PPWD1: variants seen among roughly 807,000 people sequenced by gnomAD.
The protein encoded by PPWD1 is peptidylprolyl isomerase domain and WD repeat-containing protein 1.
PPWD1 carries 43 observed loss-of-function variants against 68.8 expected under a neutral mutation model. The observed-to-expected ratio is 0.62, with a 90% confidence interval of 0.49 to 0.81. The LOEUF is 0.81. PPWD1 is among the 30% of genes least tolerant of loss of function. PPWD1 has a pLI of 0.00. For missense variants in PPWD1, 672 were observed against 804.8 expected (o/e 0.83, Z 2.00); for synonymous variants, 232 against 258.7 (o/e 0.90, Z 0.99).
rs918616167 is a variant in PPWD1 at position 65,569,949 on chromosome 5, A to C, written c.472A>C (p.Lys158Gln). 7 of 1,612,408 alleles carry C rather than the reference A, an allele frequency of 4.3e-6. No homozygotes were observed. The highest frequency in any genetic ancestry group is 1.3e-5 in the African/African-American group (1 of 74,874). Residue 158 changes from lysine to glutamine, a missense_variant, in exon 4 of 11, where the codon AAG (lysine) becomes CAG (glutamine). Coordinates refer to ENST00000261308, the MANE Select transcript of PPWD1 (RefSeq NM_015342.4). ...FCSVGDDKAM[K>Q]VFDVVNFDMI... ...TTCTGTGGGTGATGATAAAGCAATG[A>C]AGGTGTTTGATGTAGTGAACTTTGA...
intron 2 of PPWD1, chr5:65,569,010 A>G: frequency 6.6e-6 from 3 of 455,846 alleles, no homozygotes; most frequent in Non-Finnish European, 1.3e-5. Context: ...TACATTTAAC[A>G]TTTTAAAACT....
rs1331821309 is a variant in PPWD1, at chr5:65,578,751, CAT to C, written c.1161-668_1161-667del. On this transcript the variant is annotated intron_variant, in intron 6 of 10. Transcript: ENST00000261308. ...ATATATATACATATATATATACACACATATATGTGTATATATATATACATATA... is the reference window on the plus strand; with the variant it reads ...ATATATATACATATATATATACACACATATGTGTATATATATATACATATA... 3.3e-3 allele frequency among the ~76,000 whole-genome samples: 457 copies of C among 138,456 alleles called. 1 individual carries two copies. Among genetic ancestry groups the C allele is most frequent in the Middle Eastern group, 7.4e-3 (2 of 270 alleles). The allele number at this position is 138,456 out of a possible 152,430, so 90.8% of individuals were successfully genotyped here.
chr5:65,569,829 T>TAA, intron 3 of PPWD1, 49 bp from the exon 4 acceptor site: 5 of 1,570,106 alleles, frequency 3.2e-6, no homozygotes, highest in Non-Finnish European at 4.3e-6. Context: ...CATGCACACT[T>TAA]ATTTTACTGT....
At chr5:65,568,891 A>ATT in intron 2 of PPWD1, 1 of 455,470 alleles carries the variant, frequency 2.2e-6, no homozygotes, top group Non-Finnish European at 4.4e-6. Context: ...CTTCTCAAAT[A>ATT]TTTTTGTTTT....
Position 65,563,446 on chromosome 5 carries a change from A to G in PPWD1, c.136A>G (p.Asn46Asp). 1 of 1,614,098 alleles carries G rather than the reference A, an allele frequency of 6.2e-7. No individual in the cohort carries two copies. The highest frequency in any genetic ancestry group is 8.5e-7 in the Non-Finnish European group (1 of 1,180,006). Residue 46 changes from asparagine (N) to aspartate (D), a missense_variant, in exon 1 of 11, where the codon AAC becomes GAC. Physicochemically the swap from Asn to Asp is conservative, Grantham distance 23. Coordinates refer to ENST00000261308, the MANE Select transcript of PPWD1 (RefSeq NM_015342.4). ...VAVSQENDEE[N>D]EERWVGPLPV... ...GGTGTCCCAGGAGAACGATGAGGAG[A>G]ACGAAGAGCGCTGGGTTGGACCTTT...
chr5:65,578,993 A>G (rs1753467176), intron 6 of PPWD1, among the ~76,000 whole-genome samples: 1 of 151,710 alleles, frequency 6.6e-6, no homozygotes, highest in Non-Finnish European at 1.5e-5. Context: ...ATCTCGGCTC[A>G]CAACCTCTGC....
At chr5:65,579,271 C>A (rs909507338) in intron 6 of PPWD1, 153 bp from the exon 7 acceptor site, 14 of 1,208,972 alleles carry the variant, frequency 1.2e-5, no homozygotes, top group Non-Finnish European at 1.4e-5. Flanking sequence ...TAAATTGATA[C>A]CTTTTGGGGG....
chr5:65,586,294 T>G, intron 10 of PPWD1, 113 bp downstream of exon 10: 1 of 1,020,536 alleles, frequency 9.8e-7, no homozygotes, highest in Non-Finnish European at 1.4e-6. Flanking sequence ...TTATATCATC[T>G]AGCAGAATAC....
intron 6 of PPWD1, among the ~76,000 whole-genome samples, chr5:65,578,604 T>C (rs887104724): frequency 3.3e-5 from 5 of 151,984 alleles, no homozygotes; most frequent in Non-Finnish European, 4.4e-5. Flanking sequence ...TCTTTTCATA[T>C]GCTATTTACC....
At chr5:65,579,787 A>G (rs2150604181) in intron 7 of PPWD1, among the ~76,000 whole-genome samples, 174 bp downstream of exon 7, 1 of 152,338 alleles carries the variant, frequency 6.6e-6, no homozygotes, top group African/African-American at 2.4e-5. Context: ...GTTGATTTTA[A>G]GTATTTCTGT....
chr5:65,584,814 A>G (rs1304657868), intron 8 of PPWD1, 200 bp from the exon 9 acceptor site: 1 of 321,854 alleles, frequency 3.1e-6, no homozygotes, highest in Non-Finnish European at 4.5e-6. Flanking sequence ...AAGATAACTA[A>G]GTTGAACAAT....
intron 2 of PPWD1, chr5:65,567,860 G>A (rs1197031104): frequency 3.2e-6 from 2 of 617,734 alleles, no homozygotes; most frequent in East Asian, 9.6e-5. Context: ...GAACCAGGTA[G>A]TGTCTGAGCT....
intron 6 of PPWD1, among the ~76,000 whole-genome samples, chr5:65,578,261 G>A (rs940011610): frequency 2.0e-5 from 3 of 152,186 alleles, no homozygotes; most frequent in Non-Finnish European, 4.4e-5. Flanking sequence ...CATCTTGGTT[G>A]CTTCCAAGTT....
chr5:65,563,341 C>T lies in PPWD1; in HGVS notation c.31C>T (p.Gln11Ter). 1 of 1,613,758 alleles carries T rather than the reference C, an allele frequency of 6.2e-7. No individual in the cohort carries two copies. Among genetic ancestry groups the T allele is most frequent in the South Asian group, 1.1e-5 (1 of 91,052 alleles). The change falls in exon 1 of 11, where the codon CAG becomes TAG. Residue 11 changes from glutamine (Q) to a stop codon, truncating the protein, a stop_gained. Transcript: ENST00000261308. LOFTEE classifies it high-confidence loss of function. MAAESGSDFQQRRRRRRDPEE... is the reference protein window; with the variant it reads MAAESGSDFQ ...GGCGGAAAGTGGTAGCGATTTTCAG[C>T]AGAGACGTAGAAGGCGCCGGGACCC...
At chr5:65,576,373 AT>A (rs1188571148) in intron 5 of PPWD1, 59,472 of 833,812 alleles carry the variant, frequency 0.071, 84 homozygotes, top group African/African-American at 0.11. Context: ...TTGAAATACA[AT>A]TTTTTTTTTT....
intron 9 of PPWD1, among the ~76,000 whole-genome samples, chr5:65,585,407 T>C (rs1470340841): frequency 6.6e-6 from 1 of 152,168 alleles, no homozygotes; most frequent in Non-Finnish European, 1.5e-5. Context: ...CGTGGCTAGA[T>C]AGGGTCTAGA....
At chr5:65,581,236 AAATT>A (rs747427099) in intron 7 of PPWD1, among the ~76,000 whole-genome samples, 2 of 152,172 alleles carry the variant, frequency 1.3e-5, no homozygotes, top group South Asian at 2.1e-4. Context: ...TGAAGGAAAA[AAATT>A]AATCGTTTTA....
At chr5:65,567,453 A>G (rs1752826449) in intron 1 of PPWD1, 60 bp from the exon 2 acceptor site, 3 of 1,476,030 alleles carry the variant, frequency 2.0e-6, no homozygotes, top group African/African-American at 2.8e-5. Context: ...AAGAAAATAC[A>G]AAATAGTATT....
At chr5:65,568,402 T>C (rs1752869730) in intron 2 of PPWD1, among the ~76,000 whole-genome samples, 1 of 152,154 alleles carries the variant, frequency 6.6e-6, no homozygotes, top group Non-Finnish European at 1.5e-5. Flanking sequence ...ATGACGAAAC[T>C]GAAGTTTAGA....
Sources: gnomAD v4.1 joint callset for allele counts (sites outside exome capture counted in the v4.1 genomes callset) on GRCh38, gnomAD v4.1.1 for gene constraint, MANE v1.5 for transcripts, NCBI Gene and HGNC (gene_info 2026-07-23, HGNC 2026-07-21) for gene names.